RYR1: variants seen among roughly 807,000 people sequenced by gnomAD.
The protein encoded by RYR1 is central core disease of muscle.
A neutral mutation model predicts 583.5 loss-of-function variants in RYR1; 342 were observed. The ratio of observed to expected loss-of-function variants is 0.59; its 90% CI spans 0.54 to 0.64. The LOEUF (loss-of-function observed/expected upper bound fraction) is 0.64, where lower values mean the gene tolerates loss of function less well. Among genes scored for constraint, RYR1 ranks in the 30% least tolerant of loss-of-function variants. The pLI is 0.00. For synonymous variants in RYR1, 2,791 were observed against 2,822.5 expected, an observed-to-expected ratio of 0.99 and a Z score of 0.35; for missense variants, 6,032 against 6,917.2, an observed-to-expected ratio of 0.87 and a Z score of 4.54.
chr19:38,485,672 T>C lies in RYR1; in HGVS notation c.5017T>C (p.Cys1673Arg), dbSNP rs1568484165. Residue 1673 changes from cysteine (C) to arginine (R), a missense_variant, in exon 34 of 106, where the codon TGC becomes CGC. Around this residue, in one of 11 missense-constraint regions of RYR1, gnomAD observed 2,627 missense variants for 2,961.3 expected, o/e 0.89. Coordinates refer to ENST00000359596, the MANE Select transcript of RYR1 (RefSeq NM_000540.3). ...CACCCTGCGCCTCTACCGCGCTGTG[T>C]GCGCCCTGGGCAACAATCGCGTGGC... is the stretch of plus-strand genomic sequence containing the variant. Reference protein sequence around the residue: ...SHTLRLYRAVCALGNNRVAHA... With the variant: ...SHTLRLYRAVRALGNNRVAHA... 6.2e-7 allele frequency: 1 copy of C among 1,610,884 alleles called. No homozygotes were observed. The highest frequency in any genetic ancestry group is 8.5e-7 in the Non-Finnish European group (1 of 1,179,840).
chr19:38,446,526 G>T lies in RYR1; in HGVS notation c.686G>T (p.Cys229Phe). The change falls in exon 8 of 106, where the codon TGT (cysteine) becomes TTT (phenylalanine). Residue 229 changes from cysteine to phenylalanine, a missense_variant. By Grantham distance (205) the Cys-to-Phe change is radical. Around this residue, in one of 11 missense-constraint regions of RYR1, gnomAD observed 338 missense variants for 441.6 expected, o/e 0.77. Coordinates refer to ENST00000359596, the MANE Select transcript of RYR1 (RefSeq NM_000540.3). ...CTCTTTCATGGACATATGGATGAGT[G>T]TCTGACCATTTCCCCTGCTGACAGT... is the stretch of plus-strand genomic sequence containing the variant. ...LRLFHGHMDE[C>F]LTISPADSDD... 6.2e-7 allele frequency: 1 copy of T among 1,614,198 alleles called. No individual in the cohort carries two copies. The highest frequency in any genetic ancestry group is 8.5e-7 in the Non-Finnish European group (1 of 1,180,040).
In RYR1 at chr19:38,561,464, C is replaced by T. The variant is rs886038317; in HGVS notation, c.12624+10C>T. 6 of 1,601,998 alleles carry T rather than the reference C, an allele frequency of 3.7e-6. No homozygotes were observed. The Admixed American group carries it at 8.3e-5, about 22-fold the overall frequency. On this transcript the variant is annotated intron_variant, in intron 90 of 105. Coordinates refer to ENST00000359596, the MANE Select transcript of RYR1 (RefSeq NM_000540.3). The surrounding 1 kb of genome is among the most constrained non-coding windows in gnomAD (Gnocchi z 4.8). ...GTGGGAGATGCCCCAGGTCAGGGAA[C>T]CCGCGCGCGTGCAAGCTCGCCTCCT... is the stretch of plus-strand genomic sequence containing the variant.
At chr19:38,576,197 T>C (rs2145882823) in intron 97 of RYR1, among the ~76,000 whole-genome samples, 1 of 152,308 alleles carries the variant, frequency 6.6e-6, no homozygotes, top group Non-Finnish European at 1.5e-5. Context: ...CTCACGCCTG[T>C]AATCCCAGAA....
intron 101 of RYR1, among the ~76,000 whole-genome samples, chr19:38,584,478 C>T (rs1312186876): frequency 1.4e-4 from 10 of 73,466 alleles, no homozygotes; most frequent in African/African-American, 4.4e-4. Flanking sequence ...CTGCCTGTAC[C>T]CCCCATTCCA....
chr19:38,494,426 G>C lies in RYR1; in HGVS notation c.6349G>C (p.Val2117Leu), dbSNP rs193922788. 1.2e-6 allele frequency: 2 copies of C among 1,612,230 alleles called. No individual in the cohort carries two copies. Among genetic ancestry groups the C allele is most frequent in the Non-Finnish European group, 1.7e-6 (2 of 1,180,014 alleles). Reference sequence around the variant, plus strand: ...GGACTTCGTGCAGAGCCCCGAGCTGGTGCGGGCCATGTTCAGCCTCCTGCA... The same window carrying C: ...GGACTTCGTGCAGAGCCCCGAGCTGCTGCGGGCCATGTTCAGCCTCCTGCA... ...QEDFVQSPELVRAMFSLLHRQ... is the reference protein window; with the variant it reads ...QEDFVQSPELLRAMFSLLHRQ... The change falls in exon 39 of 106, where the codon GTG becomes CTG. Residue 2117 changes from valine (V) to leucine (L), a missense_variant. By Grantham distance (32) the Val-to-Leu change is conservative. Around this residue, in one of 11 missense-constraint regions of RYR1, gnomAD observed 2,627 missense variants for 2,961.3 expected, o/e 0.89. Coordinates refer to ENST00000359596, the MANE Select transcript of RYR1 (RefSeq NM_000540.3).
chr19:38,566,065 A>C (rs1973410456), intron 91 of RYR1, among the ~76,000 whole-genome samples: 1 of 150,806 alleles, frequency 6.6e-6, no homozygotes, highest in Non-Finnish European at 1.5e-5. Flanking sequence ...GCAGGGCCGG[A>C]CAGAGTGCAG....
chr19:38,440,355 A>G (rs918700380), intron 1 of RYR1, among the ~76,000 whole-genome samples: 2 of 152,198 alleles, frequency 1.3e-5, no homozygotes, highest in Admixed American at 6.5e-5. Context: ...CCTGGCCAAC[A>G]TGGCGAAACC....
chr19:38,444,481 C>G lies in RYR1; in HGVS notation c.538-103C>G. 1.0e-6 allele frequency: 1 copy of G among 1,003,044 alleles called. No homozygotes were observed. The highest frequency in any genetic ancestry group is 1.4e-5 in the South Asian group (1 of 73,558). The allele number at this position is 1,003,044 out of a possible 1,614,324, so 62.1% of individuals were successfully genotyped here. A position where few individuals can be genotyped will look rare whatever the true frequency, so the allele number is the denominator to read the frequency against. On this transcript the variant is annotated intron_variant, in intron 6 of 105. Coordinates refer to ENST00000359596, the MANE Select transcript of RYR1 (RefSeq NM_000540.3). The surrounding 1 kb of genome is among the most constrained non-coding windows in gnomAD (Gnocchi z 5.1). ...GATCTCTGATGACTCTGTCTCCCATCTGCCGGTTTCCGGGTATCCACCCTT... is the reference window on the plus strand; with the variant it reads ...GATCTCTGATGACTCTGTCTCCCATGTGCCGGTTTCCGGGTATCCACCCTT...
intron 27 of RYR1, among the ~76,000 whole-genome samples, chr19:38,472,963 C>G (rs1877020695): frequency 2.6e-5 from 4 of 151,118 alleles, no homozygotes. Flanking sequence ...TTGCGGTGAG[C>G]CGAGATCCTG....
At position 38,455,508 on chromosome 19, in the gene RYR1, G is replaced by T; in HGVS notation, c.1634G>T (p.Trp545Leu). 6.2e-7 allele frequency: 1 copy of T among 1,614,146 alleles called. No individual in the cohort carries two copies. The change falls in exon 15 of 106, where the codon TGG becomes TTG. Residue 545 changes from tryptophan (W) to leucine (L), a missense_variant. Around this residue, in one of 11 missense-constraint regions of RYR1, gnomAD observed 2,627 missense variants for 2,961.3 expected, o/e 0.89. Coordinates refer to ENST00000359596, the MANE Select transcript of RYR1 (RefSeq NM_000540.3). ...GCCCTCTTCTCCACAAACTTGGACT[G>T]GCTGGTCAGCAAGCTGGATCGGCTG... ...NCALFSTNLDWLVSKLDRLEA... is the reference protein window; with the variant it reads ...NCALFSTNLDLLVSKLDRLEA...
intron 78 of RYR1, 132 bp from the exon 79 acceptor site, chr19:38,534,588 G>T: frequency 1.3e-6 from 1 of 768,616 alleles, no homozygotes; most frequent in Non-Finnish European, 2.3e-6. Flanking sequence ...CCCAGGGGAT[G>T]GAGGGAGCTC....
intron 83 of RYR1, 93 bp downstream of exon 83, chr19:38,536,860 CG>C (rs1302692952): frequency 7.2e-7 from 1 of 1,386,338 alleles, no homozygotes; most frequent in African/African-American, 1.4e-5. Flanking sequence ...GGATCTGGGA[CG>C]TGGAGGGGAG....
chr19:38,562,322 G>T (rs971468231), intron 90 of RYR1, among the ~76,000 whole-genome samples: 3 of 151,978 alleles, frequency 2.0e-5, no homozygotes, highest in African/African-American at 7.3e-5. Flanking sequence ...CACTCACGTG[G>T]TCCCGGCATG....
rs779178878 is a variant in RYR1 at position 38,490,675 on chromosome 19, C to T, written c.6070C>T (p.Pro2024Ser). 1 of 1,613,914 alleles carries T rather than the reference C, an allele frequency of 6.2e-7. No individual in the cohort carries two copies. The highest frequency in any genetic ancestry group is 8.5e-7 in the Non-Finnish European group (1 of 1,179,824). The change falls in exon 37 of 106, where the codon CCT (proline) becomes TCT (serine). Residue 2024 changes from proline (P) to serine (S), a missense_variant. Around this residue, in one of 11 missense-constraint regions of RYR1, gnomAD observed 2,627 missense variants for 2,961.3 expected, o/e 0.89. Coordinates refer to ENST00000359596, the MANE Select transcript of RYR1 (RefSeq NM_000540.3). ...TACAGATGAGGAAGACTGTCCTCTC[C>T]CTGAAGAGATTCGACAGGATTTGCT... ...DGTDEEDCPL[P>S]EEIRQDLLDF... is the part of the protein sequence containing the mutation.
intron 58 of RYR1, among the ~76,000 whole-genome samples, chr19:38,509,421 T>C (rs907023980): frequency 2.0e-5 from 3 of 151,494 alleles, no homozygotes; most frequent in Non-Finnish European, 4.4e-5. Flanking sequence ...TGTTTAATAA[T>C]TGGAGCCAGT....
At chr19:38,436,526 CATA>C (rs1390706122) in intron 1 of RYR1, among the ~76,000 whole-genome samples, 2 of 152,112 alleles carry the variant, frequency 1.3e-5, no homozygotes, top group African/African-American at 4.8e-5. Context: ...TTTCACTCAG[CATA>C]ATATTTTTGA....
intron 101 of RYR1, among the ~76,000 whole-genome samples, chr19:38,582,082 C>A (rs1041898042): frequency 2.6e-5 from 4 of 152,046 alleles, no homozygotes; most frequent in Admixed American, 2.6e-4. Context: ...ATAGGTGCTC[C>A]CTGGCTATCG....
chr19:38,464,056 C>T (rs965672542), intron 22 of RYR1, among the ~76,000 whole-genome samples: 2 of 151,844 alleles, frequency 1.3e-5, no homozygotes, highest in Admixed American at 6.6e-5. Flanking sequence ...ACGGGTGGAT[C>T]ACTTGAGGTC....
At position 38,492,554 on chromosome 19, in the gene RYR1, G is replaced by C. The variant is rs372066850; in HGVS notation, c.6192G>C (p.Met2064Ile). The C allele has an allele frequency of 5.0e-6, 8 of 1,613,978 alleles. No individual in the cohort carries two copies. In the African/African-American group the frequency reaches 1.1e-4, roughly 22 times the overall value. Reference sequence around the variant, plus strand: ...AGACCACCCTGGGCAGCCGCCTCATGAGCCTGTTGGAGAAAGTGCGGCTGG... The same window carrying C: ...AGACCACCCTGGGCAGCCGCCTCATCAGCCTGTTGGAGAAAGTGCGGCTGG... ...EEETTLGSRL[M>I]SLLEKVRLVK... Residue 2064 changes from methionine to isoleucine, a missense_variant, in exon 38 of 106, where the codon ATG (methionine) becomes ATC (isoleucine). Coordinates refer to ENST00000359596, the MANE Select transcript of RYR1 (RefSeq NM_000540.3).
Sources: gnomAD v4.1 joint callset for allele counts (sites outside exome capture counted in the v4.1 genomes callset) on GRCh38, gnomAD v4.1.1 for gene constraint, gnomAD v4.1.1 regional missense constraint, Gnocchi (gnomAD v3.1) non-coding constraint, MANE v1.5 for transcripts, NCBI Gene and HGNC (gene_info 2026-07-23, HGNC 2026-07-21) for gene names.